Variants in SH3BGRL2 observed in about 807,000 individuals in gnomAD.
SH3BGRL2 encodes SH3 domain-binding glutamic acid-rich-like protein 2.
SH3BGRL2 carries 21 observed loss-of-function variants against 14.8 expected under a neutral mutation model. The observed-to-expected ratio is 1.42, with a 90% CI of 1.01 to 2.05. The LOEUF (loss-of-function observed/expected upper bound fraction) is 2.05. Ranked by LOEUF, SH3BGRL2 falls within the 30% of genes most tolerant of loss-of-function variation. The probability of loss-of-function intolerance (pLI) is 0.00; values close to 1 mark genes in which losing one functional copy is unlikely to be tolerated. For synonymous variants in SH3BGRL2, 50 were observed against 47.8 expected, an observed-to-expected ratio of 1.05 and a Z score of -0.19; for missense variants, 147 against 130.8, an observed-to-expected ratio of 1.12 and a Z score of -0.61.
At chr6:79,627,125 T>C (rs938845461), upstream of SH3BGRL2, among the ~76,000 whole-genome samples, 1 of 152,134 alleles carries the variant, frequency 6.6e-6, no homozygotes, top group Non-Finnish European at 1.5e-5. Flanking sequence ...TTTCAGTCCC[T>C]TCATTGCCTC....
chr6:79,649,985 TCACACACACA>T (rs1554202291), intron 1 of SH3BGRL2, among the ~76,000 whole-genome samples: 2 of 142,076 alleles, frequency 1.4e-5, no homozygotes, highest in East Asian at 2.1e-4. Flanking sequence ...TCTCTCTCTC[TCACACACACA>T]CACACACACA....
chr6:79,559,348 A>G, the SH3BGRL2 span, among the ~76,000 whole-genome samples: 1 of 152,128 alleles, frequency 6.6e-6, no homozygotes. Flanking sequence ...TTGGTGAGAC[A>G]GGTGGATATT....
At chr6:79,680,335 C>A (rs1489622660) in intron 2 of SH3BGRL2, among the ~76,000 whole-genome samples, 2 of 152,042 alleles carry the variant, frequency 1.3e-5, no homozygotes, top group South Asian at 2.1e-4. Flanking sequence ...GTTGAAGAGA[C>A]CATCTTTTTT....
At chr6:79,578,765 C>T in the SH3BGRL2 span, among the ~76,000 whole-genome samples, 4 of 152,104 alleles carry the variant, frequency 2.6e-5, no homozygotes, top group East Asian at 1.9e-4. Context: ...TGCAGCTCCT[C>T]GCCAGCAACA....
At chr6:79,594,492 T>C in the SH3BGRL2 span, among the ~76,000 whole-genome samples, 1 of 152,110 alleles carries the variant, frequency 6.6e-6, no homozygotes, top group African/African-American at 2.4e-5. Flanking sequence ...TCCCCTACAG[T>C]GGGCAGTGGC....
the SH3BGRL2 span, among the ~76,000 whole-genome samples, chr6:79,599,306 A>G: frequency 2.6e-5 from 4 of 152,058 alleles, no homozygotes; most frequent in Admixed American, 6.6e-5. Flanking sequence ...TGTATACTCT[A>G]TGACCCAGCA....
Position 79,702,324 on chromosome 6 carries a change from T to G in SH3BGRL2, c.*2815T>G, listed in dbSNP as rs1156331906. 2.0e-5 allele frequency: 3 copies of G among 152,662 alleles called. No individual in the cohort carries two copies. The highest frequency in any genetic ancestry group is 4.4e-5 in the Non-Finnish European group (3 of 68,038). The allele number at this position is 152,662 out of a possible 1,614,324, so 9.5% of individuals were successfully genotyped here. ...TTCTTTCTGTTGTGTTTGATTTTAC[T>G]ATAGGGGTTTTGCTTTTTCTAGAGA... On this transcript the variant is annotated 3_prime_UTR_variant, in exon 4 of 4. Coordinates refer to ENST00000369838, the MANE Select transcript of SH3BGRL2 (RefSeq NM_031469.4).
chr6:79,594,381 G>A, the SH3BGRL2 span, among the ~76,000 whole-genome samples: 2 of 152,134 alleles, frequency 1.3e-5, no homozygotes, highest in African/African-American at 4.8e-5. Context: ...TGCACTGCAC[G>A]TATTAATAAT....
intron 1 of SH3BGRL2, among the ~76,000 whole-genome samples, chr6:79,634,847 A>C (rs117627645): frequency 6.6e-6 from 1 of 152,344 alleles, no homozygotes; most frequent in South Asian, 2.1e-4. Context: ...GAAATGTGCC[A>C]GAAATCATAA....
At chr6:79,643,742 G>T (rs1769076396) in intron 1 of SH3BGRL2, among the ~76,000 whole-genome samples, 1 of 152,132 alleles carries the variant, frequency 6.6e-6, no homozygotes, top group South Asian at 2.1e-4. Flanking sequence ...GAACCCAAAA[G>T]GTTGAGATAG....
At chr6:79,538,663 T>C in the SH3BGRL2 span, among the ~76,000 whole-genome samples, 2 of 152,204 alleles carry the variant, frequency 1.3e-5, no homozygotes, top group South Asian at 2.1e-4. Flanking sequence ...GGATTACTTA[T>C]AAAGGAAGTT....
the SH3BGRL2 span, among the ~76,000 whole-genome samples, chr6:79,580,604 GAC>G: frequency 1.8e-4 from 27 of 152,276 alleles, no homozygotes; most frequent in South Asian, 5.2e-3. Context: ...AGAGAACAAA[GAC>G]ACAACACATC....
the SH3BGRL2 span, among the ~76,000 whole-genome samples, chr6:79,607,818 A>G: frequency 5.9e-4 from 90 of 152,210 alleles, 1 homozygote; most frequent in East Asian, 9.3e-3. Context: ...GGTGGCAGGC[A>G]TCTGTAATCC....
intron 1 of SH3BGRL2, among the ~76,000 whole-genome samples, chr6:79,652,881 C>A (rs556665583): frequency 5.9e-5 from 9 of 152,120 alleles, no homozygotes; most frequent in African/African-American, 2.2e-4. Flanking sequence ...ATAATAAGTG[C>A]TCCTTTTCAA....
intron 2 of SH3BGRL2, among the ~76,000 whole-genome samples, chr6:79,690,915 G>T (rs899093695): frequency 6.6e-6 from 1 of 152,128 alleles, no homozygotes; most frequent in Non-Finnish European, 1.5e-5. Context: ...TGTAGAGGGG[G>T]TTTTCTCTAA....
intron 1 of SH3BGRL2, among the ~76,000 whole-genome samples, chr6:79,669,928 C>T (rs927476016): frequency 2.0e-5 from 3 of 152,140 alleles, no homozygotes; most frequent in Non-Finnish European, 4.4e-5. Flanking sequence ...GAACTTTGAT[C>T]CGGAAGTGAA....
At chr6:79,588,855 T>C in the SH3BGRL2 span, among the ~76,000 whole-genome samples, 6 of 152,252 alleles carry the variant, frequency 3.9e-5, no homozygotes, top group African/African-American at 9.6e-5. Flanking sequence ...TATTAATTCT[T>C]ATGTCCAAAG....
chr6:79,596,035 C>T, the SH3BGRL2 span, among the ~76,000 whole-genome samples: 1 of 151,816 alleles, frequency 6.6e-6, no homozygotes, highest in Non-Finnish European at 1.5e-5. Flanking sequence ...TAACAATAAA[C>T]AAACAAAATA....
At chr6:79,546,717 G>A in the SH3BGRL2 span, among the ~76,000 whole-genome samples, 1 of 147,102 alleles carries the variant, frequency 6.8e-6, no homozygotes, top group Non-Finnish European at 1.5e-5. Context: ...TTTTTTTCTC[G>A]AGATGAAGTC....
Sources: gnomAD v4.1 joint callset for allele counts (sites outside exome capture counted in the v4.1 genomes callset) on GRCh38, gnomAD v4.1.1 for gene constraint, MANE v1.5 for transcripts, NCBI Gene and HGNC (gene_info 2026-07-23, HGNC 2026-07-21) for gene names.